Variants in TAFA5 observed in about 807,000 individuals in gnomAD.
TAFA5 encodes chemokine-like protein TAFA-5.
Under a neutral mutation model 15.3 loss-of-function variants are expected in TAFA5, and 6 were observed. That is an observed-to-expected ratio of 0.39 (90% CI 0.21 to 0.77). TAFA5 has a LOEUF of 0.77. Ranked by LOEUF, TAFA5 falls within the 30% of genes least tolerant of loss-of-function variation. The pLI, the probability that TAFA5 is intolerant of heterozygous loss-of-function variation, is 0.41. For missense variants in TAFA5, 161 were observed against 193.1 expected (o/e 0.83, Z 0.98); for synonymous variants, 103 against 80.7 (o/e 1.28, Z -1.48).
chr22:48,677,235 A>G (rs1442811358), intron 2 of TAFA5, among the ~76,000 whole-genome samples: 1 of 152,230 alleles, frequency 6.6e-6, no homozygotes, highest in Non-Finnish European at 1.5e-5. Flanking sequence ...TCCTGCTGTC[A>G]GGGCAGGATC....
intron 3 of TAFA5, among the ~76,000 whole-genome samples, chr22:48,734,622 C>T (rs1224190849): frequency 3.3e-5 from 5 of 152,264 alleles, no homozygotes; most frequent in Non-Finnish European, 7.3e-5. Context: ...CAGGAGTTAA[C>T]ACAAGGACCA....
chr22:48,676,851 C>A (rs1191962478), intron 2 of TAFA5, among the ~76,000 whole-genome samples: 2 of 152,236 alleles, frequency 1.3e-5, no homozygotes, highest in Non-Finnish European at 2.9e-5. Context: ...AAGTGGGATG[C>A]TCCTTGGACT....
chr22:48,750,474 A>G lies in TAFA5; in HGVS notation c.*627A>G, dbSNP rs1930455092. 2 of 146,832 alleles carry G rather than the reference A, an allele frequency of 1.4e-5. No homozygotes were observed. Among genetic ancestry groups the G allele is most frequent in the South Asian group, 5.0e-4 (2 of 4,006 alleles). The allele number at this position is 146,832 out of a possible 1,614,324, so 9.1% of individuals were successfully genotyped here. A position where few individuals can be genotyped will look rare whatever the true frequency, so the allele number is the denominator to read the frequency against. On this transcript the variant is annotated 3_prime_UTR_variant, in exon 4 of 4. Transcript: ENST00000402357. ...CGGCCGTGGTGGAGGCCTCCACCCCAGGAGCACCCCGCGCACCCTCGGAGG... is the reference window on the plus strand; with the variant it reads ...CGGCCGTGGTGGAGGCCTCCACCCCGGGAGCACCCCGCGCACCCTCGGAGG...
chr22:48,578,528 T>C (rs1366144406), intron 1 of TAFA5, among the ~76,000 whole-genome samples: 5 of 152,222 alleles, frequency 3.3e-5, no homozygotes, highest in Non-Finnish European at 7.3e-5. Flanking sequence ...CATGTTTACC[T>C]TGAAGCAGAC....
intron 3 of TAFA5, among the ~76,000 whole-genome samples, chr22:48,711,371 A>G (rs132244): frequency 0.69 from 104,683 of 151,328 alleles, 36,425 homozygotes; most frequent in Middle Eastern, 0.72. Flanking sequence ...CTGGGCCGGT[A>G]GATCTCGGTG....
At chr22:48,588,712 G>A (rs1179600598) in intron 1 of TAFA5, among the ~76,000 whole-genome samples, 1 of 152,180 alleles carries the variant, frequency 6.6e-6, no homozygotes, top group Non-Finnish European at 1.5e-5. Flanking sequence ...TTGGGGCAGG[G>A]CAGGGCCTGG....
intron 3 of TAFA5, among the ~76,000 whole-genome samples, chr22:48,736,794 G>C (rs1427713528): frequency 1.3e-5 from 2 of 152,222 alleles, no homozygotes; most frequent in Non-Finnish European, 2.9e-5. Flanking sequence ...CAAGGTCACA[G>C]AGGCCGAATG....
intron 1 of TAFA5, among the ~76,000 whole-genome samples, chr22:48,503,032 G>A (rs6008743): frequency 0.26 from 38,826 of 152,154 alleles, 7,789 homozygotes; most frequent in African/African-American, 0.56. Flanking sequence ...CCAGATCCAC[G>A]CGGGACCTTC....
intron 1 of TAFA5, among the ~76,000 whole-genome samples, chr22:48,494,140 A>C (rs1425869154): frequency 6.6e-6 from 1 of 152,206 alleles, no homozygotes; most frequent in Non-Finnish European, 1.5e-5. Context: ...CTCGGAATGA[A>C]ATATGTAGAT....
intron 1 of TAFA5, among the ~76,000 whole-genome samples, chr22:48,578,867 G>T (rs903625055): frequency 3.3e-5 from 5 of 152,182 alleles, no homozygotes; most frequent in Non-Finnish European, 7.4e-5. Flanking sequence ...AGGGAGGGGG[G>T]TGGCCGACTC....
intron 2 of TAFA5, among the ~76,000 whole-genome samples, chr22:48,661,840 CAG>C (rs1355090081): frequency 1.3e-5 from 2 of 152,070 alleles, no homozygotes; most frequent in African/African-American, 2.4e-5. Flanking sequence ...TGGGAGCCTG[CAG>C]AGACATCCAC....
chr22:48,717,472 A>T (rs1425183880), intron 3 of TAFA5, among the ~76,000 whole-genome samples: 1 of 152,244 alleles, frequency 6.6e-6, no homozygotes, highest in Non-Finnish European at 1.5e-5. Flanking sequence ...GAAGCACCCA[A>T]TGTTTCTAGC....
At chr22:48,723,080 A>C (rs1430252628) in intron 3 of TAFA5, among the ~76,000 whole-genome samples, 1 of 152,080 alleles carries the variant, frequency 6.6e-6, no homozygotes, top group African/African-American at 2.4e-5. Flanking sequence ...GGTTCCCATC[A>C]TGACAGACCG....
intron 1 of TAFA5, among the ~76,000 whole-genome samples, chr22:48,559,595 C>G (rs1923155935): frequency 6.6e-6 from 1 of 152,104 alleles, no homozygotes; most frequent in Non-Finnish European, 1.5e-5. Context: ...GTCACTGCAG[C>G]CGTCACCGAG....
At chr22:48,714,424 G>C (rs1008542730) in intron 3 of TAFA5, among the ~76,000 whole-genome samples, 1 of 152,196 alleles carries the variant, frequency 6.6e-6, no homozygotes, top group Non-Finnish European at 1.5e-5. Flanking sequence ...TCCCAGCGCT[G>C]TAGAGGTGGG....
chr22:48,726,069 A>C (rs1279168596), intron 3 of TAFA5, among the ~76,000 whole-genome samples: 1 of 152,206 alleles, frequency 6.6e-6, no homozygotes, highest in Non-Finnish European at 1.5e-5. Context: ...AATCCCCACA[A>C]ACACACATGC....
At chr22:48,654,723 C>G (rs928255787) in intron 2 of TAFA5, among the ~76,000 whole-genome samples, 6 of 152,208 alleles carry the variant, frequency 3.9e-5, no homozygotes, top group Non-Finnish European at 8.8e-5. Context: ...TGACTAATAA[C>G]TGTCTGGCGT....
chr22:48,520,251 T>C (rs991412772), intron 1 of TAFA5, among the ~76,000 whole-genome samples: 2 of 152,242 alleles, frequency 1.3e-5, no homozygotes, highest in African/African-American at 2.4e-5. Flanking sequence ...CTGTGTGAGA[T>C]GCCGGGTTTG....
intron 1 of TAFA5, among the ~76,000 whole-genome samples, chr22:48,503,000 C>CA (rs1920961740): frequency 6.6e-6 from 1 of 152,142 alleles, no homozygotes; most frequent in Admixed American, 6.5e-5. Context: ...TCCTGCCCTG[C>CA]AGAGGTGGAA....
Sources: allele counts gnomAD v4.1 joint callset (sites outside exome capture counted in the v4.1 genomes callset), GRCh38; gene constraint gnomAD v4.1.1; transcripts MANE v1.5; gene names NCBI Gene and HGNC (gene_info 2026-07-23, HGNC 2026-07-21).